RFWD3: variants seen among roughly 807,000 people sequenced by gnomAD.
The protein encoded by RFWD3 is E3 ubiquitin-protein ligase RFWD3.
RFWD3 carries 65 observed loss-of-function variants against 87.7 expected under a neutral mutation model. That is an observed-to-expected ratio of 0.74 (90% CI 0.61 to 0.91). RFWD3 has a LOEUF of 0.91. Ranked by LOEUF, RFWD3 falls within the 40% of genes least tolerant of loss-of-function variation. The pLI is 0.00. For missense variants in RFWD3, 1,078 were observed against 938.5 expected (o/e 1.15, Z -1.94); for synonymous variants, 433 against 352.8 (o/e 1.23, Z -2.55).
intron 6 of RFWD3, among the ~76,000 whole-genome samples, chr16:74,643,591 T>A (rs1331656728): frequency 6.6e-6 from 1 of 151,948 alleles, no homozygotes; most frequent in African/African-American, 2.4e-5. Flanking sequence ...TGAACCCATG[T>A]CACTGTACCT....
intron 10 of RFWD3, among the ~76,000 whole-genome samples, chr16:74,630,164 C>T (rs905228721): frequency 1.3e-5 from 2 of 152,074 alleles, no homozygotes; most frequent in East Asian, 1.9e-4. Context: ...GGCGCAATCT[C>T]GGCTCACCGC....
At chr16:74,642,269 C>T (rs577372746) in intron 6 of RFWD3, among the ~76,000 whole-genome samples, 54 of 151,634 alleles carry the variant, frequency 3.6e-4, no homozygotes, top group African/African-American at 1.2e-3. Context: ...ATTACAGGCA[C>T]GCACCACCAC....
At position 74,661,305 on chromosome 16, in the gene RFWD3, C is replaced by T. The variant is rs151061145; in HGVS notation, c.145G>A (p.Val49Ile). ...GGAGCTGGCTGGAGGATGGATGGTA[C>T]CCCCTGGCTGCTGACCACATCAGCA... Reference protein sequence around the residue: ...VPADVVSSQGVPSILQPAPAE... With the variant: ...VPADVVSSQGIPSILQPAPAE... Residue 49 changes from valine to isoleucine, a missense_variant, in exon 2 of 13, where the codon GTA becomes ATA. Physicochemically the swap from Val to Ile is conservative, Grantham distance 29. Transcript: ENST00000361070. 2.5e-4 allele frequency: 411 copies of T among 1,613,996 alleles called. No individual in the cohort carries two copies. In the Middle Eastern group the frequency reaches 4.1e-3, roughly 16 times the overall value.
chr16:74,626,281 C>T, intron 12 of RFWD3, 62 bp downstream of exon 12: 1 of 1,477,536 alleles, frequency 6.8e-7, no homozygotes, highest in Non-Finnish European at 9.4e-7. Context: ...TTCATGTTTT[C>T]CCTTACCAAT....
intron 8 of RFWD3, among the ~76,000 whole-genome samples, chr16:74,633,984 C>CAA (rs879926796): frequency 2.2e-5 from 3 of 133,578 alleles, no homozygotes; most frequent in African/African-American, 8.3e-5. Flanking sequence ...GATCTTCTGT[C>CAA]AAAAAAAAAA....
chr16:74,665,411 C>G (rs898914990), intron 1 of RFWD3: 1 of 152,184 alleles, frequency 6.6e-6, no homozygotes, highest in African/African-American at 2.4e-5. Flanking sequence ...AACCCCGTCT[C>G]CACTAAAAAT....
chr16:74,636,720 GTTT>G, intron 7 of RFWD3, 143 bp from the exon 8 acceptor site: 2 of 551,066 alleles, frequency 3.6e-6, no homozygotes, highest in Non-Finnish European at 6.0e-6. Context: ...CAGAGTTTTT[GTTT>G]TTTTTTTTAA....
intron 11 of RFWD3, among the ~76,000 whole-genome samples, chr16:74,627,674 T>C (rs1958976243): frequency 6.6e-6 from 1 of 152,238 alleles, no homozygotes; most frequent in Non-Finnish European, 1.5e-5. Flanking sequence ...CAAGGGTACC[T>C]GCCAGTACAA....
At chr16:74,651,518 C>G (rs1301637217) in intron 3 of RFWD3, among the ~76,000 whole-genome samples, 1 of 152,032 alleles carries the variant, frequency 6.6e-6, no homozygotes, top group Non-Finnish European at 1.5e-5. Flanking sequence ...AGTGGGGAGG[C>G]TGAGGTGGGA....
intron 2 of RFWD3, among the ~76,000 whole-genome samples, chr16:74,655,549 A>G (rs1018307950): frequency 2.0e-5 from 3 of 146,422 alleles, no homozygotes; most frequent in African/African-American, 7.6e-5. Flanking sequence ...GCCCAGCTGA[A>G]GCCGATGCTC....
At chr16:74,643,111 T>A (rs924507279) in intron 6 of RFWD3, among the ~76,000 whole-genome samples, 3 of 152,150 alleles carry the variant, frequency 2.0e-5, no homozygotes, top group Admixed American at 6.6e-5. Context: ...ACTAAAATAA[T>A]CTGTACAGTG....
chr16:74,631,404 C>T (rs1412330547), intron 9 of RFWD3, among the ~76,000 whole-genome samples: 2 of 151,758 alleles, frequency 1.3e-5, no homozygotes, highest in Admixed American at 6.6e-5. Flanking sequence ...CCCTGGGATG[C>T]GGAAGTTGCA....
chr16:74,629,922 C>T (rs1328159108), intron 10 of RFWD3, among the ~76,000 whole-genome samples: 1 of 152,182 alleles, frequency 6.6e-6, no homozygotes, highest in African/African-American at 2.4e-5. Context: ...GGCCATCCAT[C>T]CTCAGAACTT....
chr16:74,658,706 T>C (rs2144330621), intron 2 of RFWD3, among the ~76,000 whole-genome samples: 1 of 152,302 alleles, frequency 6.6e-6, no homozygotes, highest in South Asian at 2.1e-4. Flanking sequence ...GCCAAATAGC[T>C]TGACTGACAT....
At position 74,666,777 on chromosome 16, in the gene RFWD3, C is replaced by G. The variant is rs1961963137; in HGVS notation, c.-3+9G>C. Reference sequence around the variant, plus strand: ...CCAAGGCCTGAGGAGAAGCAACACCCCTCCTCACCTGAAACCAGCAGGCCG... The same window carrying G: ...CCAAGGCCTGAGGAGAAGCAACACCGCTCCTCACCTGAAACCAGCAGGCCG... On this transcript the variant is annotated intron_variant, in intron 1 of 12. Coordinates refer to ENST00000361070, the MANE Select transcript of RFWD3 (RefSeq NM_018124.4). 2 of 114,596 alleles carry G rather than the reference C, an allele frequency of 1.7e-5. No homozygotes were observed. The highest frequency in any genetic ancestry group is 2.8e-5 in the African/African-American group (1 of 35,670). 7.1% of individuals were successfully genotyped at this position (114,596 alleles called of 1,614,324 possible). A position where few individuals can be genotyped will look rare whatever the true frequency, so the allele number is the denominator to read the frequency against.
intron 8 of RFWD3, among the ~76,000 whole-genome samples, chr16:74,635,338 G>A (rs984927738): frequency 6.6e-6 from 1 of 151,916 alleles, no homozygotes; most frequent in African/African-American, 2.4e-5. Flanking sequence ...ATGGTGGCAT[G>A]CACCCGTAGT....
At chr16:74,632,206 C>G (rs891734693) in intron 9 of RFWD3, among the ~76,000 whole-genome samples, 1 of 151,820 alleles carries the variant, frequency 6.6e-6, no homozygotes, top group African/African-American at 2.4e-5. Flanking sequence ...CTGGCTAACA[C>G]AGTGAAACCC....
Position 74,636,538 on chromosome 16 carries a change from G to T in RFWD3, c.1234C>A (p.Gln412Lys), listed in dbSNP as rs149000471. The change falls in exon 8 of 13, where the codon CAG becomes AAG. Residue 412 changes from glutamine (Q) to lysine (K), a missense_variant. Coordinates refer to ENST00000361070, the MANE Select transcript of RFWD3 (RefSeq NM_018124.4). ...KLTSHQSQNL[Q>K]QPRGSQAWVL... Reference sequence around the variant, plus strand: ...CATGCTTGGGAGCCCCTGGGTTGCTGTAAATTCTGACTTTGATGTGACGTA... The same window carrying T: ...CATGCTTGGGAGCCCCTGGGTTGCTTTAAATTCTGACTTTGATGTGACGTA... 99 of 1,613,922 alleles carry T rather than the reference G, an allele frequency of 6.1e-5. No individual in the cohort carries two copies. In the African/African-American group the frequency reaches 1.2e-3, roughly 20 times the overall value.
intron 11 of RFWD3, among the ~76,000 whole-genome samples, chr16:74,626,917 C>T (rs373920982): frequency 4.6e-5 from 7 of 152,234 alleles, no homozygotes; most frequent in East Asian, 3.9e-4. Context: ...TTCCCTTCCC[C>T]CAGTGAGAAC....
Sources: gnomAD v4.1 joint callset for allele counts (sites outside exome capture counted in the v4.1 genomes callset) on GRCh38, gnomAD v4.1.1 for gene constraint, MANE v1.5 for transcripts, NCBI Gene and HGNC (gene_info 2026-07-23, HGNC 2026-07-21) for gene names.